Variants in FAM110B observed in about 807,000 individuals in gnomAD.
FAM110B encodes protein FAM110B.
FAM110B carries 6 observed loss-of-function variants against 20.4 expected under a neutral mutation model. That is an observed-to-expected ratio of 0.29 (90% CI 0.16 to 0.58). The LOEUF is 0.58. FAM110B is among the 20% of genes least tolerant of loss of function. FAM110B has a pLI of 0.90. For missense variants in FAM110B, 434 were observed against 498.2 expected (o/e 0.87, Z 1.23); for synonymous variants, 226 against 214.1 (o/e 1.06, Z -0.49).
At chr8:58,086,768 G>C (rs1806347693) in intron 3 of FAM110B, among the ~76,000 whole-genome samples, 2 of 152,148 alleles carry the variant, frequency 1.3e-5, no homozygotes, top group Admixed American at 1.3e-4. Flanking sequence ...ATGCTTTAAG[G>C]GTCCATTTCA....
intron 3 of FAM110B, among the ~76,000 whole-genome samples, chr8:58,103,306 G>A (rs925587152): frequency 6.6e-6 from 1 of 150,992 alleles, no homozygotes; most frequent in Non-Finnish European, 1.5e-5. Context: ...ATATCTCCCA[G>A]TGCTATCCCT....
At position 58,137,517 on chromosome 8, in the gene FAM110B, G is replaced by A. The variant is rs149957060; in HGVS notation, c.-324-8390G>A. 1.3e-4 allele frequency among the ~76,000 whole-genome samples: 20 copies of A among 152,040 alleles called. No individual in the cohort carries two copies. In the East Asian group the frequency reaches 3.3e-3, roughly 25 times the overall value. On this transcript the variant is annotated intron_variant, in intron 3 of 3. Coordinates refer to ENST00000519262, the MANE Select transcript of FAM110B (RefSeq NM_001377989.1). ...GGAGGTTGCAGTGAGCTAAGATTGC[G>A]CCATTGCACTCCAGCCTGGGCAACA...
At chr8:58,008,320 G>A (rs192462792) in intron 1 of FAM110B, among the ~76,000 whole-genome samples, 2,012 of 151,704 alleles carry the variant, frequency 0.013, 41 homozygotes, top group African/African-American at 0.045. Context: ...TTTAGTAGAG[G>A]CAGGGTTTCA....
At chr8:58,101,900 T>G (rs761202137) in intron 3 of FAM110B, among the ~76,000 whole-genome samples, 1 of 152,142 alleles carries the variant, frequency 6.6e-6, no homozygotes, top group Non-Finnish European at 1.5e-5. Flanking sequence ...AGCTCATGCT[T>G]CATTTATTCC....
chr8:58,006,399 G>A (rs879817289), intron 1 of FAM110B, among the ~76,000 whole-genome samples: 2 of 152,168 alleles, frequency 1.3e-5, no homozygotes, highest in Non-Finnish European at 2.9e-5. Flanking sequence ...TAAGGCCTAA[G>A]GGACTGTGAC....
chr8:57,996,245 G>A (rs1318000999), intron 1 of FAM110B, among the ~76,000 whole-genome samples: 1 of 152,230 alleles, frequency 6.6e-6, no homozygotes, highest in Non-Finnish European at 1.5e-5. Flanking sequence ...TAATTGAACA[G>A]AGAGGTGGTT....
At chr8:58,010,623 G>T (rs1804512423) in intron 1 of FAM110B, among the ~76,000 whole-genome samples, 1 of 152,146 alleles carries the variant, frequency 6.6e-6, no homozygotes, top group Non-Finnish European at 1.5e-5. Flanking sequence ...TTCCATCTAG[G>T]AGGAAGGAAA....
chr8:58,001,328 A>G (rs1444038282), intron 1 of FAM110B, among the ~76,000 whole-genome samples: 2 of 152,092 alleles, frequency 1.3e-5, no homozygotes, highest in Non-Finnish European at 2.9e-5. Flanking sequence ...TGAATTTTCC[A>G]TGGAAGCAGT....
intron 2 of FAM110B, among the ~76,000 whole-genome samples, chr8:58,072,126 C>T (rs753534906): frequency 2.6e-4 from 39 of 152,064 alleles, no homozygotes; most frequent in Non-Finnish European, 4.7e-4. Context: ...GGATCCATCT[C>T]GCTCTCTGTG....
At position 58,146,395 on chromosome 8, in the gene FAM110B, G is replaced by C; in HGVS notation, c.165G>C (p.Glu55Asp). 1 of 1,614,032 alleles carries C rather than the reference G, an allele frequency of 6.2e-7. No individual in the cohort carries two copies. The highest frequency in any genetic ancestry group is 8.5e-7 in the Non-Finnish European group (1 of 1,179,974). Reference sequence around the variant, plus strand: ...GGCTCAGCGCCGTGGAGAGGCTGGAGGCCGACAAGGCCAAGTACGTCAAGA... The same window carrying C: ...GGCTCAGCGCCGTGGAGAGGCTGGACGCCGACAAGGCCAAGTACGTCAAGA... ...PKRLSAVERL[E>D]ADKAKYVKSQ... Residue 55 changes from glutamate to aspartate, a missense_variant, in exon 4 of 4, where the codon GAG (glutamate) becomes GAC (aspartate). By Grantham distance (45) the Glu-to-Asp change is conservative. Transcript: ENST00000519262.
intron 1 of FAM110B, among the ~76,000 whole-genome samples, chr8:58,012,690 C>T (rs888508491): frequency 1.3e-5 from 2 of 152,154 alleles, no homozygotes; most frequent in African/African-American, 4.8e-5. Flanking sequence ...CTGTGGAGGA[C>T]TGCTGGAGGA....
intron 2 of FAM110B, among the ~76,000 whole-genome samples, chr8:58,043,578 AGTC>A (rs2150577648): frequency 6.6e-6 from 1 of 152,230 alleles, no homozygotes; most frequent in African/African-American, 2.4e-5. Context: ...GCACCCATTA[AGTC>A]GTCATTTACA....
At chr8:58,135,656 A>C (rs1479495092) in intron 3 of FAM110B, among the ~76,000 whole-genome samples, 1 of 152,224 alleles carries the variant, frequency 6.6e-6, no homozygotes, top group Middle Eastern at 3.2e-3. Context: ...ACACAGCTAA[A>C]GGAGAAAGCA....
intron 3 of FAM110B, among the ~76,000 whole-genome samples, chr8:58,112,528 T>C (rs1391911889): frequency 4.6e-5 from 7 of 152,220 alleles, no homozygotes; most frequent in Admixed American, 1.3e-4. Context: ...CCACTCATCC[T>C]GTAGCTGAAC....
intron 1 of FAM110B, among the ~76,000 whole-genome samples, chr8:58,020,852 C>T (rs182994437): frequency 6.6e-6 from 1 of 152,310 alleles, no homozygotes; most frequent in East Asian, 1.9e-4. Flanking sequence ...TTGTCTTTCT[C>T]TCCTTATTAC....
In FAM110B at chr8:58,146,017, T is replaced by C. The variant is rs1803854109; in HGVS notation, c.-214T>C. 6 of 526,246 alleles carry C rather than the reference T, an allele frequency of 1.1e-5. No homozygotes were observed. In the South Asian group the frequency reaches 1.5e-4, roughly 13 times the overall value. The allele number at this position is 526,246 out of a possible 1,614,324, so 32.6% of individuals were successfully genotyped here. ...GAACTTGTGGCTTGTGGCCTTTTTG[T>C]GCAAGGGCCGCCTGGAAGGGGAGAA... On this transcript the variant is annotated 5_prime_UTR_variant, in exon 4 of 4. Coordinates refer to ENST00000519262, the MANE Select transcript of FAM110B (RefSeq NM_001377989.1).
intron 1 of FAM110B, among the ~76,000 whole-genome samples, chr8:58,009,092 A>G (rs1215614576): frequency 6.6e-6 from 1 of 152,216 alleles, no homozygotes; most frequent in East Asian, 1.9e-4. Flanking sequence ...CGTAAATTAT[A>G]TCTCTGCCTG....
intron 2 of FAM110B, among the ~76,000 whole-genome samples, chr8:58,073,896 G>T (rs1431624010): frequency 6.6e-6 from 1 of 152,136 alleles, no homozygotes; most frequent in Non-Finnish European, 1.5e-5. Context: ...CAAATTTGGA[G>T]GGGGAGTCCA....
chr8:58,017,543 A>C (rs1405216750), intron 1 of FAM110B, among the ~76,000 whole-genome samples: 1 of 152,180 alleles, frequency 6.6e-6, no homozygotes, highest in East Asian at 1.9e-4. Context: ...CATCAGTGAG[A>C]GTGGAGGAAT....
Sources: gnomAD v4.1 joint callset for allele counts (sites outside exome capture counted in the v4.1 genomes callset) on GRCh38, gnomAD v4.1.1 for gene constraint, MANE v1.5 for transcripts, NCBI Gene and HGNC (gene_info 2026-07-23, HGNC 2026-07-21) for gene names.